The following HPSE2 variants were observed in gnomAD, a reference collection of about 807,000 sequenced individuals.
HPSE2 encodes the protein inactive heparanase-2.
Under a neutral mutation model 60.5 loss-of-function variants are expected in HPSE2, and 38 were observed. The ratio of observed to expected loss-of-function variants is 0.63; its 90% CI spans 0.48 to 0.82. HPSE2 has a LOEUF of 0.82. Among genes scored for constraint, HPSE2 ranks in the 40% least tolerant of loss-of-function variants. HPSE2 has a pLI of 0.00. For synonymous variants in HPSE2, 295 were observed against 293.2 expected (o/e 1.01, Z -0.06); for missense variants, 713 against 740.4 (o/e 0.96, Z 0.43).
chr10:98,671,676 T>G (rs1006516074), intron 6 of HPSE2, among the ~76,000 whole-genome samples: 1 of 152,220 alleles, frequency 6.6e-6, no homozygotes, highest in East Asian at 1.9e-4. Flanking sequence ...CAAAGGGTGA[T>G]AAAGGGAAGG....
intron 11 of HPSE2, among the ~76,000 whole-genome samples, chr10:98,464,187 A>G (rs184589624): frequency 6.6e-6 from 1 of 152,370 alleles, no homozygotes; most frequent in African/African-American, 2.4e-5. Context: ...GGATTAAAAC[A>G]TAAGTTCATT....
At chr10:99,116,080 A>G (rs2135695519) in intron 3 of HPSE2, among the ~76,000 whole-genome samples, 1 of 152,292 alleles carries the variant, frequency 6.6e-6, no homozygotes, top group Non-Finnish European at 1.5e-5. Context: ...AAAAGAACCC[A>G]AAATGTTTAG....
chr10:99,223,818 G>A (rs1276202407), intron 2 of HPSE2, among the ~76,000 whole-genome samples: 1 of 152,098 alleles, frequency 6.6e-6, no homozygotes, highest in Non-Finnish European at 1.5e-5. Context: ...AGAAAAATTA[G>A]AGAAAGAGGG....
intron 11 of HPSE2, among the ~76,000 whole-genome samples, chr10:98,475,322 A>G (rs554153837): frequency 5.9e-5 from 9 of 152,068 alleles, no homozygotes; most frequent in Admixed American, 2.0e-4. Flanking sequence ...GGGTTTCACC[A>G]TGTTAGCCAG....
At chr10:98,938,888 T>C (rs370985759) in intron 3 of HPSE2, among the ~76,000 whole-genome samples, 2 of 144,266 alleles carry the variant, frequency 1.4e-5, no homozygotes, top group Non-Finnish European at 1.5e-5. Context: ...GCTGATCTCT[T>C]GGCAGAAACT....
intron 3 of HPSE2, among the ~76,000 whole-genome samples, chr10:99,074,092 T>A (rs1842884965): frequency 6.6e-6 from 1 of 152,170 alleles, no homozygotes; most frequent in Non-Finnish European, 1.5e-5. Context: ...TCCAGTATAA[T>A]TTTGAACAGA....
chr10:99,208,697 TA>T (rs201709270), intron 2 of HPSE2, among the ~76,000 whole-genome samples: 27 of 118,294 alleles, frequency 2.3e-4, no homozygotes, highest in Middle Eastern at 4.2e-3. Flanking sequence ...AAAATAAAAA[TA>T]AAAAAAAAAA....
intron 3 of HPSE2, among the ~76,000 whole-genome samples, chr10:98,821,927 A>C (rs1951433701): frequency 6.6e-6 from 1 of 152,192 alleles, no homozygotes; most frequent in Non-Finnish European, 1.5e-5. Context: ...AAAGGATTTA[A>C]ATGATGTTGT....
chr10:99,242,555 G>T, the HPSE2 span, among the ~76,000 whole-genome samples: 1 of 152,164 alleles, frequency 6.6e-6, no homozygotes, highest in Admixed American at 6.5e-5. Context: ...CAGAAAAGCA[G>T]ATTAAAATTA....
intron 3 of HPSE2, among the ~76,000 whole-genome samples, chr10:98,879,283 G>C (rs1208931246): frequency 2.0e-5 from 3 of 152,010 alleles, no homozygotes; most frequent in Non-Finnish European, 4.4e-5. Flanking sequence ...TTACTTGTCT[G>C]TATGCTCAGT....
intron 3 of HPSE2, among the ~76,000 whole-genome samples, chr10:98,778,294 G>GAGAGAGAGAGAC (rs1950390404): frequency 1.3e-5 from 2 of 150,114 alleles, no homozygotes; most frequent in Admixed American, 6.7e-5. Context: ...GAGAGAGAGA[G>GAGAGAGAGAGAC]AGAAAGCAAG....
At chr10:98,589,962 A>G (rs564698733) in intron 9 of HPSE2, among the ~76,000 whole-genome samples, 11 of 152,186 alleles carry the variant, frequency 7.2e-5, no homozygotes, top group African/African-American at 2.4e-4. Flanking sequence ...GATATTCGCA[A>G]TTTTCCCTAC....
intron 9 of HPSE2, among the ~76,000 whole-genome samples, chr10:98,593,088 T>C (rs988221828): frequency 6.6e-6 from 1 of 152,252 alleles, no homozygotes. Flanking sequence ...TCTTATGTGC[T>C]AGGTACAATA....
intron 3 of HPSE2, among the ~76,000 whole-genome samples, chr10:99,055,417 A>G (rs1300333359): frequency 3.3e-5 from 5 of 152,178 alleles, no homozygotes; most frequent in Non-Finnish European, 7.3e-5. Flanking sequence ...TAAAAATAAT[A>G]CACTTTGAAG....
At chr10:98,559,475 T>G (rs1334232427) in intron 9 of HPSE2, among the ~76,000 whole-genome samples, 1 of 152,170 alleles carries the variant, frequency 6.6e-6, no homozygotes, top group African/African-American at 2.4e-5. Context: ...TCTCCAGTCA[T>G]CTTACCCTGA....
rs532446510 is a variant in HPSE2 at position 99,109,019 on chromosome 10, AC to A, written c.610+35218del. 1.8e-3 allele frequency among the ~76,000 whole-genome samples: 271 copies of A among 152,258 alleles called. 1 individual carries two copies. Among genetic ancestry groups the A allele is most frequent in the African/African-American group, 6.1e-3 (252 of 41,548 alleles). On this transcript the variant is annotated intron_variant, in intron 3 of 11. Transcript: ENST00000370552. ...TCATGAATCTCGGTCAGGAAGGCTC[AC>A]CCAGGGTTGAAACACTAATGTACTT...
chr10:98,766,112 T>C (rs1300016895), intron 3 of HPSE2, among the ~76,000 whole-genome samples: 1 of 151,928 alleles, frequency 6.6e-6, no homozygotes, highest in African/African-American at 2.4e-5. Context: ...ATAAACCATA[T>C]AAATATTAAA....
chr10:99,225,574 T>C (rs949661550), intron 2 of HPSE2, among the ~76,000 whole-genome samples: 2 of 152,106 alleles, frequency 1.3e-5, no homozygotes, highest in Admixed American at 1.3e-4. Flanking sequence ...AGGATCTGTC[T>C]TTTAAGCATG....
intron 3 of HPSE2, among the ~76,000 whole-genome samples, chr10:98,768,904 A>T (rs529266705): frequency 1.3e-5 from 2 of 152,242 alleles, no homozygotes; most frequent in South Asian, 4.2e-4. Context: ...TACAAAAATT[A>T]GCCAGGCTGG....
Sources: gnomAD v4.1 joint callset for allele counts (sites outside exome capture counted in the v4.1 genomes callset) on GRCh38, gnomAD v4.1.1 for gene constraint, MANE v1.5 for transcripts, NCBI Gene and HGNC (gene_info 2026-07-23, HGNC 2026-07-21) for gene names.